The following SYNE2 variants were observed in gnomAD, a reference collection of about 807,000 sequenced individuals.
SYNE2 encodes the protein nesprin-2.
In SYNE2, 431 loss-of-function variants were observed where a neutral mutation model predicts 856.3. That is an observed-to-expected ratio of 0.50 (90% CI 0.47 to 0.55). SYNE2 has a LOEUF of 0.55. SYNE2 is among the 20% of genes least tolerant of loss of function. The pLI is 0.00. For synonymous variants in SYNE2, 2,923 were observed against 2,872.3 expected, an observed-to-expected ratio of 1.02 and a Z score of -0.56; for missense variants, 8,129 against 8,023.2, an observed-to-expected ratio of 1.01 and a Z score of -0.50.
At chr14:63,778,363 G>C (rs1425101440) in intron 1 of SYNE2, among the ~76,000 whole-genome samples, 1 of 152,024 alleles carries the variant, frequency 6.6e-6, no homozygotes. Context: ...ACCCAGTCTT[G>C]GGTTTGTCTT....
At position 64,225,878 on chromosome 14, in the gene SYNE2, G is replaced by T; in HGVS notation, c.*352G>T. The T allele has an allele frequency of 1.9e-6, 1 of 530,732 alleles. No homozygotes were observed. Among genetic ancestry groups the T allele is most frequent in the Non-Finnish European group, 3.4e-6 (1 of 296,908 alleles). The allele number at this position is 530,732 out of a possible 1,614,324, so 32.9% of individuals were successfully genotyped here. On this transcript the variant is annotated 3_prime_UTR_variant, in exon 116 of 116. Transcript: ENST00000555002. ...AATGTAGGTATGGTCAATGAGCAGTGGTGTCCATCACATATATTATAGAAG... is the reference window on the plus strand; with the variant it reads ...AATGTAGGTATGGTCAATGAGCAGTTGTGTCCATCACATATATTATAGAAG...
At chr14:63,783,382 C>T (rs1887392596) in intron 1 of SYNE2, among the ~76,000 whole-genome samples, 1 of 152,016 alleles carries the variant, frequency 6.6e-6, no homozygotes, top group Non-Finnish European at 1.5e-5. Flanking sequence ...ACTTCTTCTT[C>T]TTCTTTTTTT....
intron 107 of SYNE2, 105 bp downstream of exon 107, chr14:64,215,459 C>A (rs1408055425): frequency 1.1e-5 from 12 of 1,113,578 alleles, no homozygotes; most frequent in Middle Eastern, 2.0e-4. Context: ...TCTGTGGACA[C>A]CATGCGCCTT....
At position 64,080,558 on chromosome 14, in the gene SYNE2, A is replaced by G. The variant is rs759878819; in HGVS notation, c.11266A>G (p.Met3756Val). ...GGACCCAGGACAGGCTCAAGAATGG[A>G]TGGATAACTTGATGATTCCTTTCCA... ...EQDPGQAQEW[M>V]DNLMIPFQQY... Residue 3756 changes from methionine to valine, a missense_variant, in exon 56 of 116, where the codon ATG becomes GTG. Physicochemically the swap from Met to Val is conservative, Grantham distance 21. This residue lies in a region of SYNE2 where 5,410 missense variants were observed against 5,284.8 expected (regional missense o/e 1.02). Transcript: ENST00000555002. 6 of 1,614,230 alleles carry G rather than the reference A, an allele frequency of 3.7e-6. No homozygotes were observed. The highest frequency in any genetic ancestry group is 5.1e-6 in the Non-Finnish European group (6 of 1,180,036).
intron 47 of SYNE2, 146 bp downstream of exon 47, chr14:64,050,022 T>C (rs2097213157): frequency 9.3e-7 from 1 of 1,071,696 alleles, no homozygotes; most frequent in African/African-American, 1.6e-5. Flanking sequence ...TTCATATGGA[T>C]GCTGTCTTTG....
intron 1 of SYNE2, among the ~76,000 whole-genome samples, chr14:63,786,386 T>G (rs1463546854): frequency 2.0e-5 from 3 of 152,178 alleles, no homozygotes; most frequent in African/African-American, 7.2e-5. Flanking sequence ...CCAGTCTGGG[T>G]GATAGAGCGA....
chr14:64,085,672 G>A (rs58380409), intron 57 of SYNE2, among the ~76,000 whole-genome samples: 6,262 of 152,198 alleles, frequency 0.041, 446 homozygotes, highest in African/African-American at 0.14. Context: ...TTTCAACAGC[G>A]CTTAATATTG....
intron 87 of SYNE2, among the ~76,000 whole-genome samples, chr14:64,160,136 G>T (rs777996605): frequency 2.0e-5 from 3 of 152,192 alleles, no homozygotes; most frequent in Non-Finnish European, 2.9e-5. Flanking sequence ...ATACCCTGCA[G>T]TGGTGCCCTT....
At chr14:63,957,265 T>C in intron 8 of SYNE2, among the ~76,000 whole-genome samples, 1 of 13,108 alleles carries the variant, frequency 7.6e-5, no homozygotes, top group East Asian at 1.6e-3. Context: ...GCCCAGCTAA[T>C]TTTTTTTTTT....
intron 1 of SYNE2, among the ~76,000 whole-genome samples, chr14:63,784,493 T>C (rs538033184): frequency 1.2e-5 from 1 of 85,144 alleles, no homozygotes; most frequent in African/African-American, 4.9e-5. Context: ...TGATACTCCA[T>C]CTCAAAAACA....
chr14:63,941,640 G>T, intron 3 of SYNE2, 55 bp from the exon 4 acceptor site: 1 of 1,433,392 alleles, frequency 7.0e-7, no homozygotes, highest in Non-Finnish European at 9.8e-7. Flanking sequence ...GATTCTTAAA[G>T]GTATTCTTTT....
Position 64,122,438 on chromosome 14 carries a change from A to G in SYNE2, c.13422+11A>G, listed in dbSNP as rs2097904876. Reference sequence around the variant, plus strand: ...CTTGTGGAGCCTCAGGTCAGTCTGTATCTACATGGTGCAAATAGCCTGTTT... The same window carrying G: ...CTTGTGGAGCCTCAGGTCAGTCTGTGTCTACATGGTGCAAATAGCCTGTTT... On this transcript the variant is annotated intron_variant, in intron 70 of 115. Coordinates refer to ENST00000555002, the MANE Select transcript of SYNE2 (RefSeq NM_182914.3). 2 of 1,614,084 alleles carry G rather than the reference A, an allele frequency of 1.2e-6. No individual in the cohort carries two copies. Among genetic ancestry groups the G allele is most frequent in the African/African-American group, 1.3e-5 (1 of 74,942 alleles).
At chr14:64,040,179 A>G (rs2097136735) in intron 45 of SYNE2, among the ~76,000 whole-genome samples, 1 of 152,212 alleles carries the variant, frequency 6.6e-6, no homozygotes, top group South Asian at 2.1e-4. Flanking sequence ...AAGTCTGATA[A>G]CAAATAATTA....
intron 1 of SYNE2, chr14:63,762,089 G>A (rs1006601726): frequency 2.1e-6 from 1 of 476,148 alleles, no homozygotes; most frequent in Non-Finnish European, 4.3e-6. Flanking sequence ...TTTGTTCAAT[G>A]AATTTTTGTT....
At position 63,991,045 on chromosome 14, in the gene SYNE2, CAT is replaced by C; in HGVS notation, c.2581_2582del (p.Met861AspfsTer15). The C allele has an allele frequency of 6.2e-7, 1 of 1,614,110 alleles. No individual in the cohort carries two copies. Among genetic ancestry groups the C allele is most frequent in the Non-Finnish European group, 8.5e-7 (1 of 1,180,002 alleles). The stretch of plus-strand genomic sequence containing the variant: ...GAAGAATCCCAGAAGGAACTTGAAT[CAT>C]ATATGATGAGGGCTCAGCAGTTACT... On this transcript the variant is annotated frameshift_variant, in exon 21 of 116. Coordinates refer to ENST00000555002, the MANE Select transcript of SYNE2 (RefSeq NM_182914.3). LOFTEE classifies it high-confidence loss of function.
At chr14:64,006,570 TGTA>T (rs2096797756) in intron 30 of SYNE2, among the ~76,000 whole-genome samples, 1 of 152,180 alleles carries the variant, frequency 6.6e-6, no homozygotes, top group Non-Finnish European at 1.5e-5. Context: ...AGCTCACACC[TGTA>T]ATCCCAGCAC....
intron 1 of SYNE2, among the ~76,000 whole-genome samples, chr14:63,885,329 C>T (rs556206026): frequency 2.2e-5 from 2 of 90,224 alleles, no homozygotes; most frequent in Non-Finnish European, 4.9e-5. Context: ...GCCTTTCTCA[C>T]TGTCTCTCTG....
At chr14:64,100,830 G>A (rs367975657) in intron 63 of SYNE2, among the ~76,000 whole-genome samples, 1 of 149,310 alleles carries the variant, frequency 6.7e-6, no homozygotes, top group Non-Finnish European at 1.5e-5. Flanking sequence ...CTGGTCGCTG[G>A]TAACCATTGT....
At position 64,022,739 on chromosome 14, in the gene SYNE2, T is replaced by C; in HGVS notation, c.5525-12T>C. On this transcript the variant is annotated splice_polypyrimidine_tract_variant and intron_variant, in intron 37 of 115. Transcript: ENST00000555002. ...TCCTTGAATGAATAGAGCTTTTTTTTTCCCCCTGCAGATCAATGCAAGAAC... is the reference window on the plus strand; with the variant it reads ...TCCTTGAATGAATAGAGCTTTTTTTCTCCCCCTGCAGATCAATGCAAGAAC... 3.6e-6 allele frequency: 5 copies of C among 1,398,378 alleles called. No homozygotes were observed. Among genetic ancestry groups the C allele is most frequent in the African/African-American group, 1.4e-5 (1 of 70,524 alleles). The allele number at this position is 1,398,378 out of a possible 1,614,324, so 86.6% of individuals were successfully genotyped here.
Sources: allele counts gnomAD v4.1 joint callset (sites outside exome capture counted in the v4.1 genomes callset), GRCh38; gene constraint gnomAD v4.1.1; regional missense constraint gnomAD v4.1.1; transcripts MANE v1.5; gene names NCBI Gene and HGNC (gene_info 2026-07-23, HGNC 2026-07-21).